The following NUDT19 variants were observed in gnomAD, a reference collection of about 807,000 sequenced individuals.
The protein encoded by NUDT19 is nudix hydrolase 19.
In NUDT19, 31 loss-of-function variants were observed where a neutral mutation model predicts 22.2. The ratio of observed to expected loss-of-function variants is 1.40; its 90% CI spans 1.05 to 1.89. The LOEUF is 1.89. Ranked by LOEUF, NUDT19 falls within the 40% of genes most tolerant of loss-of-function variation. NUDT19 has a pLI of 0.00. For synonymous variants in NUDT19, 325 were observed against 230.8 expected, an observed-to-expected ratio of 1.41 and a Z score of -3.70; for missense variants, 752 against 514.2, an observed-to-expected ratio of 1.46 and a Z score of -4.47.
chr19:32,711,599 A>G (rs1369736512), intron 2 of NUDT19, among the ~76,000 whole-genome samples, 153 bp from the exon 3 acceptor site: 1 of 152,234 alleles, frequency 6.6e-6, no homozygotes, highest in Non-Finnish European at 1.5e-5. Flanking sequence ...AGTTCCAAAC[A>G]TATGAAATAG....
intron 1 of NUDT19, among the ~76,000 whole-genome samples, chr19:32,706,473 CG>C (rs1363848766): frequency 2.6e-5 from 4 of 152,116 alleles, no homozygotes; most frequent in African/African-American, 9.7e-5. Context: ...TACCTGAGGT[CG>C]GGAGTTCGAG....
In NUDT19 at chr19:32,692,103, A is replaced by T; in HGVS notation, c.143A>T (p.Gln48Leu). 4.3e-6 allele frequency: 6 copies of T among 1,400,200 alleles called. No homozygotes were observed. The highest frequency in any genetic ancestry group is 4.6e-6 in the Non-Finnish European group (5 of 1,083,100). 86.7% of individuals were successfully genotyped at this position (1,400,200 alleles called of 1,614,324 possible). A position where few individuals can be genotyped will look rare whatever the true frequency, so the allele number is the denominator to read the frequency against. ...GAGGGCTTCCGGCTGCTGCTGCTGC[A>T]GCGCTCCCCGCACCAAGGCTTCATG... ...PAEGFRLLLL[Q>L]RSPHQGFMPG... The change falls in exon 1 of 3, where the codon CAG (glutamine) becomes CTG (leucine). Residue 48 changes from glutamine (Q) to leucine (L), a missense_variant. By Grantham distance (113) the Gln-to-Leu change is moderately radical. Coordinates refer to ENST00000397061, the MANE Select transcript of NUDT19 (RefSeq NM_001105570.2).
chr19:32,691,905 G>A lies in NUDT19; in HGVS notation c.-56G>A. ...GGTGCTGGGGTCCCTGCAGGGCCGGGCCACCTGCCGTGGAGCTCAGGCCGC... is the reference window on the plus strand; with the variant it reads ...GGTGCTGGGGTCCCTGCAGGGCCGGACCACCTGCCGTGGAGCTCAGGCCGC... On this transcript the variant is annotated 5_prime_UTR_variant, in exon 1 of 3. Coordinates refer to ENST00000397061, the MANE Select transcript of NUDT19 (RefSeq NM_001105570.2). 9.5e-7 allele frequency: 1 copy of A among 1,051,218 alleles called. No individual in the cohort carries two copies. The highest frequency in any genetic ancestry group is 1.2e-6 in the Non-Finnish European group (1 of 830,568). The allele number at this position is 1,051,218 out of a possible 1,614,324, so 65.1% of individuals were successfully genotyped here.
chr19:32,708,521 G>A (rs1968412188), intron 1 of NUDT19, among the ~76,000 whole-genome samples: 1 of 152,204 alleles, frequency 6.6e-6, no homozygotes, highest in Non-Finnish European at 1.5e-5. Context: ...GCTCAGGAAG[G>A]AGAGGAGGTT....
intron 2 of NUDT19, among the ~76,000 whole-genome samples, chr19:32,709,754 A>G (rs998840807): frequency 3.2e-4 from 48 of 149,422 alleles, no homozygotes; most frequent in African/African-American, 1.2e-3. Context: ...AGGTTCAAGC[A>G]ATTCTCTGCC....
At position 32,691,902 on chromosome 19, in the gene NUDT19, C is replaced by A; in HGVS notation, c.-59C>A. On this transcript the variant is annotated 5_prime_UTR_variant, in exon 1 of 3. Transcript: ENST00000397061. ...GGAGGTGCTGGGGTCCCTGCAGGGCCGGGCCACCTGCCGTGGAGCTCAGGC... is the reference window on the plus strand; with the variant it reads ...GGAGGTGCTGGGGTCCCTGCAGGGCAGGGCCACCTGCCGTGGAGCTCAGGC... 9 of 1,026,982 alleles carry A rather than the reference C, an allele frequency of 8.8e-6. No individual in the cohort carries two copies. Among genetic ancestry groups the A allele is most frequent in the Non-Finnish European group, 1.1e-5 (9 of 808,938 alleles). The allele number at this position is 1,026,982 out of a possible 1,614,324, so 63.6% of individuals were successfully genotyped here. A position where few individuals can be genotyped will look rare whatever the true frequency, so the allele number is the denominator to read the frequency against.
chr19:32,706,269 C>T (rs1219155922), intron 1 of NUDT19, among the ~76,000 whole-genome samples: 1 of 152,182 alleles, frequency 6.6e-6, no homozygotes, highest in African/African-American at 2.4e-5. Flanking sequence ...TTTCTCTTTC[C>T]ATGGTTTGAG....
intron 1 of NUDT19, among the ~76,000 whole-genome samples, chr19:32,704,700 T>C (rs1023335559): frequency 3.9e-5 from 6 of 152,246 alleles, no homozygotes; most frequent in Non-Finnish European, 7.3e-5. Flanking sequence ...TTATTTTTTT[T>C]CTAGTTTTGG....
rs142432119 is a variant in NUDT19, at chr19:32,701,309, G to A, written c.715-7876G>A. On this transcript the variant is annotated intron_variant, in intron 1 of 2. Coordinates refer to ENST00000397061, the MANE Select transcript of NUDT19 (RefSeq NM_001105570.2). ...AAACCTCTGCCTCCCAGGTTCAAGC[G>A]ATTCTCCTTCCTCAGTCTCCCAAGC... Among the ~76,000 whole-genome samples the A allele has an allele frequency of 8.7e-4, 128 of 147,232 alleles. 1 individual carries two copies. In the South Asian group the frequency reaches 9.0e-3, roughly 10 times the overall value.
intron 1 of NUDT19, among the ~76,000 whole-genome samples, chr19:32,708,294 G>C (rs1336773967): frequency 6.6e-6 from 1 of 151,860 alleles, no homozygotes; most frequent in South Asian, 2.1e-4. Context: ...GGGTGTGGTG[G>C]TGGGCGCCTG....
intron 1 of NUDT19, among the ~76,000 whole-genome samples, chr19:32,693,704 T>G (rs916333825): frequency 2.0e-5 from 3 of 152,176 alleles, no homozygotes; most frequent in African/African-American, 7.2e-5. Context: ...ATAGTACTGA[T>G]TGGTGCATTT....
chr19:32,711,089 C>G (rs1337414508), intron 2 of NUDT19, among the ~76,000 whole-genome samples: 3 of 151,970 alleles, frequency 2.0e-5, no homozygotes, highest in Non-Finnish European at 4.4e-5. Flanking sequence ...AGTTACAGTT[C>G]ACAGTGGAAA....
intron 1 of NUDT19, 83 bp downstream of exon 1, chr19:32,692,757 C>A (rs1968213813): frequency 9.1e-7 from 1 of 1,098,398 alleles, no homozygotes. Flanking sequence ...CCCCAAGGGA[C>A]CCCCGCATAG....
intron 1 of NUDT19, among the ~76,000 whole-genome samples, chr19:32,706,842 C>T (rs2145366430): frequency 6.6e-6 from 1 of 152,286 alleles, no homozygotes; most frequent in South Asian, 2.1e-4. Context: ...GAAAGTATTC[C>T]TCTTGCATAA....
rs776594450 is a variant in NUDT19, at chr19:32,692,201, G to A, written c.241G>A (p.Ala81Thr). 5.7e-6 allele frequency: 9 copies of A among 1,573,992 alleles called. No homozygotes were observed. The highest frequency in any genetic ancestry group is 7.7e-6 in the Non-Finnish European group (9 of 1,169,900). ...DRSADWLGLF[A>T]PHHGPPRFGL... ...CTCGGCGGACTGGCTGGGCCTCTTC[G>A]CGCCGCACCACGGGCCGCCGCGCTT... is the stretch of plus-strand genomic sequence containing the variant. Residue 81 changes from alanine (A) to threonine (T), a missense_variant, in exon 1 of 3, where the codon GCG (alanine) becomes ACG (threonine). Physicochemically the swap from Ala to Thr is moderately conservative, Grantham distance 58. Transcript: ENST00000397061.
Position 32,711,637 on chromosome 19 carries a change from G to A in NUDT19, c.923-115G>A. On this transcript the variant is annotated intron_variant, in intron 2 of 2. Transcript: ENST00000397061. ...AAAAATACTGATTTGTATTTCATTA[G>A]TATATTGGAGTGATTTATAAAATAA... 4.7e-6 allele frequency: 3 copies of A among 641,768 alleles called. No individual in the cohort carries two copies. In the South Asian group the frequency reaches 6.0e-5, roughly 13 times the overall value. 39.8% of individuals were successfully genotyped at this position (641,768 alleles called of 1,614,324 possible).
At chr19:32,697,318 C>T (rs540796547) in intron 1 of NUDT19, among the ~76,000 whole-genome samples, 1 of 152,264 alleles carries the variant, frequency 6.6e-6, no homozygotes, top group East Asian at 1.9e-4. Flanking sequence ...GGAGCTTTCT[C>T]CTGATATCCA....
chr19:32,706,729 A>G (rs1413390647), intron 1 of NUDT19, among the ~76,000 whole-genome samples: 1 of 152,206 alleles, frequency 6.6e-6, no homozygotes, highest in Non-Finnish European at 1.5e-5. Flanking sequence ...TACTGGGCCT[A>G]ATTCATCAAT....
At chr19:32,710,905 A>AT (rs1568435590) in intron 2 of NUDT19, among the ~76,000 whole-genome samples, 1 of 151,846 alleles carries the variant, frequency 6.6e-6, no homozygotes, top group East Asian at 1.9e-4. Flanking sequence ...AAAAAAAAAA[A>AT]GATTTATTAC....
Sources: gnomAD v4.1 joint callset for allele counts (sites outside exome capture counted in the v4.1 genomes callset) on GRCh38, gnomAD v4.1.1 for gene constraint, MANE v1.5 for transcripts, NCBI Gene and HGNC (gene_info 2026-07-23, HGNC 2026-07-21) for gene names.